The following EIF2AK2 variants were observed in gnomAD, a reference collection of about 807,000 sequenced individuals.
EIF2AK2 encodes eukaryotic translation initiation factor 2 alpha kinase 2, also known as interferon-induced, double-stranded RNA-activated protein kinase.
A neutral mutation model predicts 70.5 loss-of-function variants in EIF2AK2; 40 were observed. That is an observed-to-expected ratio of 0.57 (90% confidence interval 0.44 to 0.74). The LOEUF is 0.74. EIF2AK2 is among the 30% of genes least tolerant of loss of function. The pLI, the probability that EIF2AK2 is intolerant of heterozygous loss-of-function variation, is 0.00. For missense variants in EIF2AK2, 555 were observed against 644.3 expected (o/e 0.86, Z 1.50); for synonymous variants, 198 against 220.9 (o/e 0.90, Z 0.92).
intron 13 of EIF2AK2, 106 bp from the exon 14 acceptor site, chr2:37,114,965 T>C (rs1674284417): frequency 1.3e-6 from 1 of 759,890 alleles, no homozygotes; most frequent in Non-Finnish European, 1.8e-6. Flanking sequence ...TATAAGACCT[T>C]TACCCTTACA....
chr2:37,111,879 AT>A (rs59069023), intron 14 of EIF2AK2, among the ~76,000 whole-genome samples: 14,310 of 40,310 alleles, frequency 0.35, 2,269 homozygotes, highest in Non-Finnish European at 0.37. Flanking sequence ...AAAAAAAAAA[AT>A]ATATATATAT....
At chr2:37,133,471 C>T (rs774490169) in intron 10 of EIF2AK2, among the ~76,000 whole-genome samples, 5 of 152,260 alleles carry the variant, frequency 3.3e-5, no homozygotes, top group Admixed American at 3.3e-4. Flanking sequence ...CCAGCCCTAC[C>T]CCCAATTCCC....
In EIF2AK2 at chr2:37,148,837, A is replaced by C; in HGVS notation, c.-17+20T>G. ...ATGATGCCACTTTTCTGAGTGCAAA[A>C]TTCGGAAGACCGCTTGTACCTGGTT... On this transcript the variant is annotated intron_variant, in intron 2 of 16. Coordinates refer to ENST00000233057, the MANE Select transcript of EIF2AK2 (RefSeq NM_001135651.3). 1.2e-6 allele frequency: 1 copy of C among 841,022 alleles called. No individual in the cohort carries two copies. Among genetic ancestry groups the C allele is most frequent in the Non-Finnish European group, 2.1e-6 (1 of 476,188 alleles). 52.1% of individuals were successfully genotyped at this position (841,022 alleles called of 1,614,324 possible).
rs1673810453 is a variant in EIF2AK2 at position 37,100,830 on chromosome 2, T to G, written c.*6443A>C. The G allele has an allele frequency of 6.6e-6, 1 of 152,246 alleles. No individual in the cohort carries two copies. The highest frequency in any genetic ancestry group is 1.5e-5 in the Non-Finnish European group (1 of 68,064). The allele number at this position is 152,246 out of a possible 1,614,324, so 9.4% of individuals were successfully genotyped here. A position where few individuals can be genotyped will look rare whatever the true frequency, so the allele number is the denominator to read the frequency against. Reference sequence around the variant, plus strand: ...AACATGCTCTACCTCACCATGTCGATAGATGTACAGTCGCCCCACTACTGG... The same window carrying G: ...AACATGCTCTACCTCACCATGTCGAGAGATGTACAGTCGCCCCACTACTGG... On this transcript the variant is annotated 3_prime_UTR_variant, in exon 17 of 17. Transcript: ENST00000233057.
At chr2:37,116,181 G>A (rs868224767) in intron 13 of EIF2AK2, among the ~76,000 whole-genome samples, 4 of 152,098 alleles carry the variant, frequency 2.6e-5, no homozygotes, top group Non-Finnish European at 5.9e-5. Context: ...TTACAGGCAT[G>A]AGCCACCACG....
intron 1 of EIF2AK2, among the ~76,000 whole-genome samples, chr2:37,154,515 G>T (rs12994644): frequency 0.41 from 62,638 of 151,612 alleles, 13,651 homozygotes; most frequent in East Asian, 0.77. Context: ...CATCCTCTTC[G>T]CCCTCCTCTC....
chr2:37,119,990 T>A lies in EIF2AK2; in HGVS notation c.1217A>T (p.His406Leu). 6.7e-7 allele frequency: 1 copy of A among 1,482,986 alleles called. No homozygotes were observed. Among genetic ancestry groups the A allele is most frequent in the East Asian group, 2.5e-5 (1 of 39,544 alleles). The allele number at this position is 1,482,986 out of a possible 1,614,324, so 91.9% of individuals were successfully genotyped here. ...EQITKGVDYIHSKKLIHRDLK... is the reference protein window; with the variant it reads ...EQITKGVDYILSKKLIHRDLK... Reference sequence around the variant, plus strand: ...ATCTCTATGAATTAATTTTTTTGAATGTATATAATCCACCCCTTTTGTTAT... The same window carrying A: ...ATCTCTATGAATTAATTTTTTTGAAAGTATATAATCCACCCCTTTTGTTAT... Residue 406 changes from histidine to leucine, a missense_variant, in exon 13 of 17, where the codon CAT (histidine) becomes CTT (leucine). By Grantham distance (99) the His-to-Leu change is moderately conservative. Transcript: ENST00000233057.
rs1178075201 is a variant in EIF2AK2, at chr2:37,105,662, G to A, written c.*1611C>T. On this transcript the variant is annotated 3_prime_UTR_variant, in exon 17 of 17. Transcript: ENST00000233057. Reference sequence around the variant, plus strand: ...AAACAAACTAAAACAATTGCCCTAAGTTGAAATTCACCCTCAGGGTCGTCT... The same window carrying A: ...AAACAAACTAAAACAATTGCCCTAAATTGAAATTCACCCTCAGGGTCGTCT... The A allele has an allele frequency of 6.6e-6, 1 of 152,180 alleles. No homozygotes were observed. The highest frequency in any genetic ancestry group is 2.4e-5 in the African/African-American group (1 of 41,438). The allele number at this position is 152,180 out of a possible 1,614,324, so 9.4% of individuals were successfully genotyped here.
intron 4 of EIF2AK2, among the ~76,000 whole-genome samples, chr2:37,142,269 T>A (rs184062730): frequency 6.9e-4 from 105 of 152,254 alleles, no homozygotes; most frequent in Non-Finnish European, 1.3e-3. Flanking sequence ...CACCTGGAAC[T>A]ACAGGCACAC....
At chr2:37,149,619 G>C (rs573013502) in intron 1 of EIF2AK2, among the ~76,000 whole-genome samples, 11 of 152,240 alleles carry the variant, frequency 7.2e-5, no homozygotes, top group Middle Eastern at 3.4e-3. Context: ...TCCTTACCAG[G>C]AAGGAAAGGA....
chr2:37,140,817 A>G (rs941741832), intron 5 of EIF2AK2, among the ~76,000 whole-genome samples: 1 of 152,248 alleles, frequency 6.6e-6, no homozygotes, highest in African/African-American at 2.4e-5. Context: ...AGCTGAGTCA[A>G]TTCATAGAAG....
chr2:37,156,885 C>CGGCTG (rs1398442270), intron 1 of EIF2AK2, 23 bp downstream of exon 1: 1 of 161,216 alleles, frequency 6.2e-6, no homozygotes. Flanking sequence ...CGCGCTCCCT[C>CGGCTG]GGCTGCCCCC....
chr2:37,128,570 G>C (rs565925239), intron 10 of EIF2AK2, among the ~76,000 whole-genome samples: 66 of 152,160 alleles, frequency 4.3e-4, no homozygotes, highest in African/African-American at 1.0e-3. Context: ...TAAACTGTTC[G>C]GGTGGAAGTA....
chr2:37,150,523 T>C (rs1185384178), intron 1 of EIF2AK2, among the ~76,000 whole-genome samples: 2 of 152,194 alleles, frequency 1.3e-5, no homozygotes, highest in African/African-American at 2.4e-5. Flanking sequence ...ATTTTCCCCA[T>C]TGATTATTAA....
At chr2:37,123,760 G>A (rs910096048) in intron 11 of EIF2AK2, among the ~76,000 whole-genome samples, 1 of 152,172 alleles carries the variant, frequency 6.6e-6, no homozygotes, top group African/African-American at 2.4e-5. Flanking sequence ...AAGGTGAAAT[G>A]GTGGAAGGCT....
At position 37,103,277 on chromosome 2, in the gene EIF2AK2, C is replaced by T; in HGVS notation, c.*3996G>A. The T allele has an allele frequency of 6.6e-6, 1 of 151,724 alleles. No homozygotes were observed. The highest frequency in any genetic ancestry group is 1.5e-5 in the Non-Finnish European group (1 of 68,036). The allele number at this position is 151,724 out of a possible 1,614,324, so 9.4% of individuals were successfully genotyped here. A position where few individuals can be genotyped will look rare whatever the true frequency, so the allele number is the denominator to read the frequency against. Reference sequence around the variant, plus strand: ...ATGGCGTGATCTCAGCTCACTGCAACCTCCACCTCCTGGGTTCAAGCGATT... The same window carrying T: ...ATGGCGTGATCTCAGCTCACTGCAATCTCCACCTCCTGGGTTCAAGCGATT... On this transcript the variant is annotated 3_prime_UTR_variant, in exon 17 of 17. Coordinates refer to ENST00000233057, the MANE Select transcript of EIF2AK2 (RefSeq NM_001135651.3).
At chr2:37,116,509 C>A (rs1674346231) in intron 13 of EIF2AK2, among the ~76,000 whole-genome samples, 1 of 152,214 alleles carries the variant, frequency 6.6e-6, no homozygotes, top group African/African-American at 2.4e-5. Context: ...TACGGGATAA[C>A]ACACTTATGA....
At chr2:37,122,404 T>A in intron 12 of EIF2AK2, 102 bp downstream of exon 12, 1 of 1,233,094 alleles carries the variant, frequency 8.1e-7, no homozygotes, top group South Asian at 1.5e-5. Flanking sequence ...GGAATTGTGA[T>A]AATTAATCGT....
At position 37,104,577 on chromosome 2, in the gene EIF2AK2, C is replaced by G. The variant is rs994290211; in HGVS notation, c.*2696G>C. On this transcript the variant is annotated 3_prime_UTR_variant, in exon 17 of 17. Coordinates refer to ENST00000233057, the MANE Select transcript of EIF2AK2 (RefSeq NM_001135651.3). ...TCAAGCCATCCTCCCCTTTTGACCTCCCAAAAATGCTGGGATAACAGGCAT... is the reference window on the plus strand; with the variant it reads ...TCAAGCCATCCTCCCCTTTTGACCTGCCAAAAATGCTGGGATAACAGGCAT... The G allele has an allele frequency of 3.3e-5, 5 of 152,158 alleles. No individual in the cohort carries two copies. The highest frequency in any genetic ancestry group is 7.3e-5 in the Non-Finnish European group (5 of 68,046). 9.4% of individuals were successfully genotyped at this position (152,158 alleles called of 1,614,324 possible).
Sources: allele counts gnomAD v4.1 joint callset (sites outside exome capture counted in the v4.1 genomes callset), GRCh38; gene constraint gnomAD v4.1.1; transcripts MANE v1.5; gene names NCBI Gene and HGNC (gene_info 2026-07-23, HGNC 2026-07-21).